Variants in TAFA1 observed in about 807,000 individuals in gnomAD.
The protein encoded by TAFA1 is chemokine-like protein TAFA-1.
A neutral mutation model predicts 18.5 loss-of-function variants in TAFA1; 4 were observed. The observed-to-expected ratio is 0.22, with a 90% CI of 0.11 to 0.49. The LOEUF (loss-of-function observed/expected upper bound fraction) is 0.49, where lower values mean the gene tolerates loss of function less well. Ranked by LOEUF, TAFA1 falls within the 20% of genes least tolerant of loss-of-function variation. The pLI, the probability that TAFA1 is intolerant of heterozygous loss-of-function variation, is 0.98. For missense variants in TAFA1, 147 were observed against 169.0 expected, an observed-to-expected ratio of 0.87 and a Z score of 0.72; for synonymous variants, 56 against 55.2, an observed-to-expected ratio of 1.01 and a Z score of -0.06.
intron 2 of TAFA1, among the ~76,000 whole-genome samples, chr3:68,121,349 C>G (rs1398502925): frequency 6.6e-6 from 1 of 151,530 alleles, no homozygotes; most frequent in Non-Finnish European, 1.5e-5. Context: ...CATTCTGGCT[C>G]AATAATTTTT....
At chr3:68,189,237 C>G (rs565534195) in intron 2 of TAFA1, among the ~76,000 whole-genome samples, 10 of 151,988 alleles carry the variant, frequency 6.6e-5, no homozygotes, top group Non-Finnish European at 1.0e-4. Context: ...ATAACCAGCA[C>G]TTTCCATTTC....
intron 2 of TAFA1, among the ~76,000 whole-genome samples, chr3:68,287,086 T>C (rs1199215867): frequency 1.3e-5 from 2 of 152,198 alleles, no homozygotes; most frequent in Non-Finnish European, 2.9e-5. Context: ...CTTTCATATT[T>C]CCTGGGGCTC....
chr3:68,226,077 T>A (rs1388496), intron 2 of TAFA1, among the ~76,000 whole-genome samples: 48,967 of 152,084 alleles, frequency 0.32, 8,722 homozygotes, highest in Non-Finnish European at 0.39. Flanking sequence ...AGAGTTCAGT[T>A]TACTTGTTCA....
chr3:68,435,852 C>T (rs1035421382), intron 3 of TAFA1, among the ~76,000 whole-genome samples: 1 of 152,122 alleles, frequency 6.6e-6, no homozygotes, highest in African/African-American at 2.4e-5. Flanking sequence ...AAAACAGGCC[C>T]TTCATATAAG....
chr3:68,103,334 T>C (rs2065169843), intron 2 of TAFA1, among the ~76,000 whole-genome samples: 1 of 152,244 alleles, frequency 6.6e-6, no homozygotes, highest in Admixed American at 6.5e-5. Flanking sequence ...GGAAGTGTTG[T>C]ATGGTAATTG....
At chr3:68,267,684 T>C (rs1451587374) in intron 2 of TAFA1, among the ~76,000 whole-genome samples, 1 of 152,218 alleles carries the variant, frequency 6.6e-6, no homozygotes, top group Non-Finnish European at 1.5e-5. Context: ...TCTTTTTTTT[T>C]TAATATTTAA....
chr3:68,047,845 A>T (rs908816982), intron 2 of TAFA1, among the ~76,000 whole-genome samples: 11 of 152,158 alleles, frequency 7.2e-5, no homozygotes, highest in Middle Eastern at 3.2e-3. Context: ...GAGACTTCAG[A>T]AATTTTAGAA....
chr3:68,401,986 C>G (rs2070502662), intron 2 of TAFA1, among the ~76,000 whole-genome samples: 1 of 152,158 alleles, frequency 6.6e-6, no homozygotes, highest in African/African-American at 2.4e-5. Flanking sequence ...AGCAATAATA[C>G]TAAGAACAAA....
intron 3 of TAFA1, among the ~76,000 whole-genome samples, chr3:68,486,546 G>A (rs146700572): frequency 4.6e-5 from 7 of 152,230 alleles, no homozygotes; most frequent in East Asian, 1.9e-4. Context: ...TTTGTGGAAC[G>A]CTCTTTGATC....
chr3:68,205,476 C>A (rs774927110), intron 2 of TAFA1, among the ~76,000 whole-genome samples: 1 of 151,858 alleles, frequency 6.6e-6, no homozygotes, highest in Non-Finnish European at 1.5e-5. Context: ...CAAATTCTCT[C>A]GGTCCCACTT....
intron 4 of TAFA1, among the ~76,000 whole-genome samples, chr3:68,540,823 T>C (rs949105497): frequency 3.3e-5 from 5 of 152,202 alleles, no homozygotes; most frequent in African/African-American, 1.2e-4. Context: ...TAATGCTACT[T>C]TTTTGAGACC....
At chr3:68,044,184 C>T (rs1705222666) in intron 2 of TAFA1, among the ~76,000 whole-genome samples, 1 of 152,182 alleles carries the variant, frequency 6.6e-6, no homozygotes, top group South Asian at 2.1e-4. Flanking sequence ...TCTCCTAGTT[C>T]AGACTCTTAA....
chr3:68,112,495 A>G (rs1371449186), intron 2 of TAFA1, among the ~76,000 whole-genome samples: 2 of 152,178 alleles, frequency 1.3e-5, no homozygotes, highest in Non-Finnish European at 2.9e-5. Context: ...AATACATTAT[A>G]TTGGCCAAAA....
intron 2 of TAFA1, among the ~76,000 whole-genome samples, chr3:68,371,757 AT>A (rs1408452938): frequency 6.6e-6 from 1 of 152,220 alleles, no homozygotes; most frequent in Non-Finnish European, 1.5e-5. Context: ...CACAGGATGC[AT>A]AAAATTTAAA....
chr3:68,036,430 C>T (rs1286738848), intron 2 of TAFA1, among the ~76,000 whole-genome samples: 2 of 89,358 alleles, frequency 2.2e-5, no homozygotes, highest in African/African-American at 4.4e-5. Context: ...CAGAGTGAGA[C>T]TCTGTCAAAA....
intron 3 of TAFA1, among the ~76,000 whole-genome samples, chr3:68,424,669 T>G (rs1405710966): frequency 6.6e-6 from 1 of 151,392 alleles, no homozygotes; most frequent in African/African-American, 2.4e-5. Flanking sequence ...GAAGGAAGTT[T>G]GAAATTCAGC....
At chr3:68,370,011 A>G (rs262183) in intron 2 of TAFA1, among the ~76,000 whole-genome samples, 94,094 of 151,178 alleles carry the variant, frequency 0.62, 30,018 homozygotes, top group East Asian at 1. Flanking sequence ...GTTTTGGGCC[A>G]GGTGTGGTGG....
chr3:68,306,353 C>T (rs2068422017), intron 2 of TAFA1, among the ~76,000 whole-genome samples: 1 of 152,100 alleles, frequency 6.6e-6, no homozygotes, highest in South Asian at 2.1e-4. Flanking sequence ...TTGGGTTTGA[C>T]CTTGCAAAAA....
Position 68,066,120 on chromosome 3 carries a change from G to A in TAFA1, c.118+59376G>A, listed in dbSNP as rs528073529. 2.6e-5 allele frequency among the ~76,000 whole-genome samples: 4 copies of A among 152,206 alleles called. No homozygotes were observed. In the South Asian group the frequency reaches 8.3e-4, roughly 32 times the overall value. On this transcript the variant is annotated intron_variant, in intron 2 of 4. Transcript: ENST00000478136. Reference sequence around the variant, plus strand: ...GCAGCAGGCAGAAATTCTCTTGATTGTAGTGATGGTTTCACAGGTGAATGC... The same window carrying A: ...GCAGCAGGCAGAAATTCTCTTGATTATAGTGATGGTTTCACAGGTGAATGC...
Sources: gnomAD v4.1 joint callset for allele counts (sites outside exome capture counted in the v4.1 genomes callset) on GRCh38, gnomAD v4.1.1 for gene constraint, MANE v1.5 for transcripts, NCBI Gene and HGNC (gene_info 2026-07-23, HGNC 2026-07-21) for gene names.